The following CHRM3 variants were observed in gnomAD, a reference collection of about 807,000 sequenced individuals.
CHRM3 encodes the protein muscarinic acetylcholine receptor M3.
CHRM3 carries 11 observed loss-of-function variants against 41.8 expected under a neutral mutation model. The observed-to-expected ratio is 0.26, with a 90% confidence interval of 0.17 to 0.44. CHRM3 has a LOEUF of 0.44. Among genes scored for constraint, CHRM3 ranks in the 20% least tolerant of loss-of-function variants. The probability of loss-of-function intolerance (pLI) is 1.00; values close to 1 mark genes in which losing one functional copy is unlikely to be tolerated. For synonymous variants in CHRM3, 297 were observed against 301.4 expected (o/e 0.99, Z 0.15); for missense variants, 571 against 745.4 (o/e 0.77, Z 2.72).
chr1:239,519,873 T>A (rs779256718), intron 2 of CHRM3, among the ~76,000 whole-genome samples: 2 of 146,722 alleles, frequency 1.4e-5, no homozygotes, highest in South Asian at 4.6e-4. Context: ...TCAGCCTCCC[T>A]AGTAGCTGGG....
At chr1:239,813,308 G>A (rs929747587) in intron 5 of CHRM3, among the ~76,000 whole-genome samples, 9 of 151,958 alleles carry the variant, frequency 5.9e-5, no homozygotes, top group South Asian at 2.1e-4. Context: ...TTAGTAAAAG[G>A]TACTTACTGT....
At chr1:239,534,182 G>T (rs1188855760) in intron 2 of CHRM3, among the ~76,000 whole-genome samples, 1 of 152,034 alleles carries the variant, frequency 6.6e-6, no homozygotes, top group Non-Finnish European at 1.5e-5. Context: ...ACAAAAATTA[G>T]CCAGGCCTGG....
At chr1:239,410,935 G>A (rs1034109802) in intron 1 of CHRM3, among the ~76,000 whole-genome samples, 8 of 152,060 alleles carry the variant, frequency 5.3e-5, no homozygotes, top group African/African-American at 1.4e-4. Flanking sequence ...TGCTGTGGGC[G>A]TCCTTAAATG....
intron 6 of CHRM3, among the ~76,000 whole-genome samples, chr1:239,888,160 A>C (rs1292202572): frequency 6.6e-6 from 1 of 152,054 alleles, no homozygotes; most frequent in African/African-American, 2.4e-5. Context: ...CCAGGAGTTC[A>C]AGACCACCCT....
intron 5 of CHRM3, among the ~76,000 whole-genome samples, chr1:239,801,164 G>C (rs1327500349): frequency 6.6e-6 from 1 of 152,182 alleles, no homozygotes; most frequent in Non-Finnish European, 1.5e-5. Context: ...CTATTACACT[G>C]ACTATTCATG....
At chr1:239,664,553 A>C (rs1186811230) in intron 4 of CHRM3, among the ~76,000 whole-genome samples, 2 of 152,058 alleles carry the variant, frequency 1.3e-5, no homozygotes, top group African/African-American at 4.8e-5. Flanking sequence ...CATCTTGAGA[A>C]TCTCTCCTGG....
chr1:239,913,900 A>T lies in CHRM3; in HGVS notation c.*4676A>T, dbSNP rs1462250533. The T allele has an allele frequency of 6.0e-6, 1 of 167,014 alleles. No homozygotes were observed. Among genetic ancestry groups the T allele is most frequent in the Admixed American group, 6.5e-5 (1 of 15,274 alleles). 10.3% of individuals were successfully genotyped at this position (167,014 alleles called of 1,614,324 possible). On this transcript the variant is annotated 3_prime_UTR_variant, in exon 7 of 7. Coordinates refer to ENST00000676153, the MANE Select transcript of CHRM3 (RefSeq NM_001375978.1). Reference sequence around the variant, plus strand: ...AATGCGTTGCTAGAATATCAGGCCTATGTTTGTTCTGGTAGAACCACAGAG... The same window carrying T: ...AATGCGTTGCTAGAATATCAGGCCTTTGTTTGTTCTGGTAGAACCACAGAG...
chr1:239,549,181 G>C (rs751665905), intron 3 of CHRM3, among the ~76,000 whole-genome samples: 2 of 152,050 alleles, frequency 1.3e-5, no homozygotes, highest in African/African-American at 2.4e-5. Context: ...CCTCCCACCA[G>C]GTCCCTCCCA....
chr1:239,402,685 A>G (rs1420191641), intron 1 of CHRM3, among the ~76,000 whole-genome samples: 2 of 152,188 alleles, frequency 1.3e-5, no homozygotes, highest in African/African-American at 4.8e-5. Flanking sequence ...TGAAGTCCTC[A>G]GGAAAATATG....
intron 2 of CHRM3, among the ~76,000 whole-genome samples, chr1:239,523,094 A>C (rs1424778677): frequency 6.6e-6 from 1 of 152,118 alleles, no homozygotes; most frequent in East Asian, 1.9e-4. Context: ...CCACCTGAGA[A>C]ACAGTAGTGA....
At chr1:239,831,606 T>A (rs685548) in intron 6 of CHRM3, among the ~76,000 whole-genome samples, 1 of 151,980 alleles carries the variant, frequency 6.6e-6, no homozygotes, top group Non-Finnish European at 1.5e-5. Flanking sequence ...CTGATGGAAC[T>A]GTTGAGAATC....
chr1:239,417,288 A>G (rs1428698841), intron 1 of CHRM3, among the ~76,000 whole-genome samples: 1 of 152,220 alleles, frequency 6.6e-6, no homozygotes, highest in African/African-American at 2.4e-5. Context: ...GCATAAGAAT[A>G]TACTACAGTA....
intron 5 of CHRM3, among the ~76,000 whole-genome samples, chr1:239,803,872 G>A (rs150164741): frequency 7.2e-5 from 11 of 152,310 alleles, no homozygotes; most frequent in African/African-American, 1.7e-4. Context: ...TGGAGATCCC[G>A]GTAACTGCAG....
intron 4 of CHRM3, among the ~76,000 whole-genome samples, chr1:239,656,046 A>C (rs1672681609): frequency 6.6e-6 from 1 of 152,174 alleles, no homozygotes. Flanking sequence ...GAATTAATGC[A>C]GAAATAGAAA....
chr1:239,663,484 C>T (rs1465671553), intron 4 of CHRM3, among the ~76,000 whole-genome samples: 1 of 152,090 alleles, frequency 6.6e-6, no homozygotes, highest in Non-Finnish European at 1.5e-5. Flanking sequence ...CCCTCAGAGT[C>T]GATGGGATGG....
At chr1:239,390,238 ATTGT>A (rs1359968378) in intron 1 of CHRM3, among the ~76,000 whole-genome samples, 1 of 152,164 alleles carries the variant, frequency 6.6e-6, no homozygotes, top group East Asian at 1.9e-4. Flanking sequence ...TTTATGCTTA[ATTGT>A]TTAATATAGT....
chr1:239,662,931 C>CTTCTTCTTCTTCTTCTTCTTCT (rs1558431560), intron 4 of CHRM3, among the ~76,000 whole-genome samples: 1 of 143,950 alleles, frequency 6.9e-6, no homozygotes, highest in African/African-American at 2.6e-5. Flanking sequence ...TCTTCTTCTT[C>CTTCTTCTTCTTCTTCTTCTTCT]TCCTCTTCTT....
At position 239,573,053 on chromosome 1, in the gene CHRM3, C is replaced by T. The variant is rs932203560; in HGVS notation, c.-313+27304C>T. Among the ~76,000 whole-genome samples the T allele has an allele frequency of 3.3e-5, 5 of 152,118 alleles. No individual in the cohort carries two copies. In the East Asian group the frequency reaches 7.7e-4, roughly 24 times the overall value. ...GGGCATTTGGAGGGTTTGGCCCTACCCTAGTACTTAGGTGTACACATAGTA... is the reference window on the plus strand; with the variant it reads ...GGGCATTTGGAGGGTTTGGCCCTACTCTAGTACTTAGGTGTACACATAGTA... On this transcript the variant is annotated intron_variant, in intron 3 of 6. Coordinates refer to ENST00000676153, the MANE Select transcript of CHRM3 (RefSeq NM_001375978.1).
intron 3 of CHRM3, among the ~76,000 whole-genome samples, chr1:239,583,387 A>T (rs1445705513): frequency 6.6e-6 from 1 of 152,218 alleles, no homozygotes; most frequent in East Asian, 1.9e-4. Flanking sequence ...TAATGCATTC[A>T]TTCAAGAAAT....
Sources: gnomAD v4.1 joint callset for allele counts (sites outside exome capture counted in the v4.1 genomes callset) on GRCh38, gnomAD v4.1.1 for gene constraint, MANE v1.5 for transcripts, NCBI Gene and HGNC (gene_info 2026-07-23, HGNC 2026-07-21) for gene names.